CAP2: variants seen among roughly 807,000 people sequenced by gnomAD.
The protein encoded by CAP2 is adenylyl cyclase-associated protein 2.
In CAP2, 24 loss-of-function variants were observed where a neutral mutation model predicts 57.7. The ratio of observed to expected loss-of-function variants is 0.42; its 90% CI spans 0.30 to 0.58. CAP2 has a LOEUF of 0.58. Among genes scored for constraint, CAP2 ranks in the 20% least tolerant of loss-of-function variants. CAP2 has a pLI of 0.22. For missense variants in CAP2, 501 were observed against 590.3 expected (o/e 0.85, Z 1.57); for synonymous variants, 194 against 207.2 (o/e 0.94, Z 0.55).
intron 12 of CAP2, among the ~76,000 whole-genome samples, chr6:17,554,732 G>A (rs564210735): frequency 1.3e-5 from 2 of 152,342 alleles, no homozygotes; most frequent in African/African-American, 4.8e-5. Context: ...CTGGAAGTCC[G>A]AGGAGGCCCA....
chr6:17,521,655 A>G (rs1244126699), intron 7 of CAP2, among the ~76,000 whole-genome samples: 1 of 152,196 alleles, frequency 6.6e-6, no homozygotes, highest in African/African-American at 2.4e-5. Context: ...TAGCTGAAGA[A>G]GATGAGCAAT....
chr6:17,483,337 T>C (rs1157928912), intron 4 of CAP2, among the ~76,000 whole-genome samples: 3 of 152,198 alleles, frequency 2.0e-5, no homozygotes, highest in Non-Finnish European at 2.9e-5. Flanking sequence ...GATTTCTTTT[T>C]TTTCCTCCAT....
chr6:17,524,893 C>CTTTTTTTTT (rs11325666), intron 7 of CAP2, among the ~76,000 whole-genome samples: 18 of 109,608 alleles, frequency 1.6e-4, no homozygotes, highest in Non-Finnish European at 2.2e-4. Flanking sequence ...CTTTTCTTTT[C>CTTTTTTTTT]TTTTTTTTTT....
intron 3 of CAP2, among the ~76,000 whole-genome samples, chr6:17,454,235 G>A (rs1760494805): frequency 6.6e-6 from 1 of 151,816 alleles, no homozygotes; most frequent in African/African-American, 2.4e-5. Flanking sequence ...CAGATCCCTG[G>A]GATGCATGGG....
chr6:17,473,049 T>A (rs1043117432), intron 4 of CAP2, among the ~76,000 whole-genome samples: 15 of 152,060 alleles, frequency 9.9e-5, no homozygotes, highest in African/African-American at 3.6e-4. Flanking sequence ...TTTTTTTTTT[T>A]TAATCTGATA....
chr6:17,492,488 G>A lies in CAP2; in HGVS notation c.301-14681G>A, dbSNP rs1326242932. On this transcript the variant is annotated intron_variant, in intron 4 of 12. Transcript: ENST00000229922. Reference sequence around the variant, plus strand: ...CATATTATATCCTGGACTATGTGCCGGCGTCCAAAGTGGCTGGAATTGAAA... The same window carrying A: ...CATATTATATCCTGGACTATGTGCCAGCGTCCAAAGTGGCTGGAATTGAAA... 2.6e-5 allele frequency among the ~76,000 whole-genome samples: 4 copies of A among 152,146 alleles called. No individual in the cohort carries two copies. The East Asian group carries it at 5.8e-4, about 22-fold the overall frequency.
At chr6:17,452,019 A>G (rs1760417462) in intron 3 of CAP2, among the ~76,000 whole-genome samples, 1 of 152,220 alleles carries the variant, frequency 6.6e-6, no homozygotes, top group South Asian at 2.1e-4. Context: ...TCATAAGGAC[A>G]TTATTTGAAA....
chr6:17,556,588 C>T lies in CAP2; in HGVS notation c.*146C>T, dbSNP rs1430267576. 9 of 600,810 alleles carry T rather than the reference C, an allele frequency of 1.5e-5. No individual in the cohort carries two copies. The highest frequency in any genetic ancestry group is 2.7e-5 in the Non-Finnish European group (9 of 331,492). 37.2% of individuals were successfully genotyped at this position (600,810 alleles called of 1,614,324 possible). A position where few individuals can be genotyped will look rare whatever the true frequency, so the allele number is the denominator to read the frequency against. ...CTGTGCTATAGATACAGCACTGTTTCTGGCACGCCTCGTGGGCATTTTGAA... is the reference window on the plus strand; with the variant it reads ...CTGTGCTATAGATACAGCACTGTTTTTGGCACGCCTCGTGGGCATTTTGAA... On this transcript the variant is annotated 3_prime_UTR_variant, in exon 13 of 13. Transcript: ENST00000229922.
At chr6:17,528,491 T>C (rs1288345176) in intron 7 of CAP2, among the ~76,000 whole-genome samples, 1 of 152,194 alleles carries the variant, frequency 6.6e-6, no homozygotes, top group African/African-American at 2.4e-5. Flanking sequence ...GCTCAGATCT[T>C]TCCAGGTCAT....
intron 3 of CAP2, among the ~76,000 whole-genome samples, chr6:17,443,873 AT>A (rs1489479299): frequency 5.9e-5 from 9 of 152,360 alleles, no homozygotes; most frequent in African/African-American, 2.2e-4. Context: ...ATACACACAC[AT>A]ATGTTATAAC....
chr6:17,476,557 G>A (rs1314688446), intron 4 of CAP2, among the ~76,000 whole-genome samples: 3 of 152,178 alleles, frequency 2.0e-5, no homozygotes, highest in Non-Finnish European at 4.4e-5. Context: ...TTTTTCAGAA[G>A]TAACAATCAA....
chr6:17,485,429 G>A (rs1461230097), intron 4 of CAP2, among the ~76,000 whole-genome samples: 3 of 152,154 alleles, frequency 2.0e-5, no homozygotes, highest in East Asian at 3.9e-4. Flanking sequence ...GGTGCCACCC[G>A]GCTTTCCCCA....
intron 2 of CAP2, among the ~76,000 whole-genome samples, chr6:17,422,429 A>C (rs1374591173): frequency 6.7e-6 from 1 of 149,636 alleles, no homozygotes; most frequent in Admixed American, 6.8e-5. Context: ...GGCTCACTAC[A>C]ACCTCTGCTT....
At chr6:17,477,095 T>G (rs2113616792) in intron 4 of CAP2, among the ~76,000 whole-genome samples, 1 of 152,278 alleles carries the variant, frequency 6.6e-6, no homozygotes, top group South Asian at 2.1e-4. Flanking sequence ...GGTCTCAATC[T>G]CCTGACCTCA....
chr6:17,552,393 A>G (rs1763191217), intron 12 of CAP2, among the ~76,000 whole-genome samples: 2 of 152,358 alleles, frequency 1.3e-5, no homozygotes, highest in South Asian at 4.1e-4. Context: ...TTACCCCTGT[A>G]ATGCCAGCAC....
chr6:17,539,335 C>A lies in CAP2; in HGVS notation c.703C>A (p.Pro235Thr). Residue 235 changes from proline (P) to threonine (T), a missense_variant, in exon 8 of 13, where the codon CCT becomes ACT. Coordinates refer to ENST00000229922, the MANE Select transcript of CAP2 (RefSeq NM_006366.3). ...CTCTGGGCCTGGCCTTCCTCCACCC[C>A]CTCCTCCTCTGCCTCCTCCAGGGCC... ...LSSGPGLPPP[P>T]PPLPPPGPPP... The A allele has an allele frequency of 5.6e-6, 9 of 1,614,002 alleles. No individual in the cohort carries two copies. Among genetic ancestry groups the A allele is most frequent in the Non-Finnish European group, 7.6e-6 (9 of 1,179,870 alleles).
chr6:17,455,652 C>T (rs139818165), intron 3 of CAP2, among the ~76,000 whole-genome samples: 1 of 152,116 alleles, frequency 6.6e-6, no homozygotes, highest in African/African-American at 2.4e-5. Flanking sequence ...TCTCCTGCCT[C>T]AGCCTCCCAA....
chr6:17,515,940 G>A (rs952571965), intron 7 of CAP2, among the ~76,000 whole-genome samples: 2 of 152,154 alleles, frequency 1.3e-5, no homozygotes, highest in East Asian at 3.9e-4. Flanking sequence ...CCTGAACAAA[G>A]CCAGTGCTTG....
At chr6:17,499,398 C>CAAAAAAAAAAAA (rs71002217) in intron 4 of CAP2, among the ~76,000 whole-genome samples, 2 of 69,566 alleles carry the variant, frequency 2.9e-5, no homozygotes, top group African/African-American at 5.2e-5. Flanking sequence ...GACTCCATCT[C>CAAAAAAAAAAAA]AAAAAAAAAA....
Sources: allele counts gnomAD v4.1 joint callset (sites outside exome capture counted in the v4.1 genomes callset), GRCh38; gene constraint gnomAD v4.1.1; transcripts MANE v1.5; gene names NCBI Gene and HGNC (gene_info 2026-07-23, HGNC 2026-07-21).